Variants in DNAH1 observed in about 807,000 individuals in gnomAD.
DNAH1 encodes axonemal beta dynein heavy chain 1.
In DNAH1, 327 loss-of-function variants were observed where a neutral mutation model predicts 484.3. The observed-to-expected ratio is 0.68, with a 90% CI of 0.62 to 0.74. DNAH1 has a LOEUF of 0.74. Ranked by LOEUF, DNAH1 falls within the 30% of genes least tolerant of loss-of-function variation. The pLI is 0.00. For synonymous variants in DNAH1, 2,192 were observed against 2,191.9 expected, an observed-to-expected ratio of 1.00 and a Z score of 0.00; for missense variants, 5,052 against 5,546.8, an observed-to-expected ratio of 0.91 and a Z score of 2.83.
intron 1 of DNAH1, 149 bp from the exon 2 acceptor site, chr3:52,322,260 A>T (rs569138425): frequency 1.2e-5 from 7 of 598,238 alleles, no homozygotes; most frequent in Non-Finnish European, 2.0e-5. Flanking sequence ...TGTCCAGATT[A>T]GGAGGAGACC....
chr3:52,313,853 AC>A (rs1295638792), upstream of DNAH1, among the ~76,000 whole-genome samples: 2 of 152,194 alleles, frequency 1.3e-5, no homozygotes, highest in Non-Finnish European at 2.9e-5. Context: ...CCCCACCGTG[AC>A]ACTGGGTAAG....
At position 52,392,849 on chromosome 3, in the gene DNAH1, A is replaced by G. The variant is rs1235784314; in HGVS notation, c.10298A>G (p.Glu3433Gly). 15 of 1,513,654 alleles carry G rather than the reference A, an allele frequency of 9.9e-6. No homozygotes were observed. In the Admixed American group the frequency reaches 2.7e-4, roughly 27 times the overall value. 93.8% of individuals were successfully genotyped at this position (1,513,654 alleles called of 1,614,324 possible). A position where few individuals can be genotyped will look rare whatever the true frequency, so the allele number is the denominator to read the frequency against. The change falls in exon 65 of 78, where the codon GAG (glutamate) becomes GGG (glycine). Residue 3433 changes from glutamate to glycine, a missense_variant. Transcript: ENST00000420323. ...CCACAGGCCAAAGTCAGGATTGCAG[A>G]GCAGACGGAGAAGGACATCGACCTG... ...AEIQAKVRIA[E>G]QTEKDIDLTR...
intron 5 of DNAH1, among the ~76,000 whole-genome samples, 186 bp from the exon 6 acceptor site, chr3:52,327,696 C>T (rs1374525559): frequency 6.6e-6 from 1 of 152,158 alleles, no homozygotes; most frequent in African/African-American, 2.4e-5. Context: ...TGGAGAGGCT[C>T]AACCCCCAGT....
rs565186223 is a variant in DNAH1 at position 52,383,558 on chromosome 3, G to A, written c.8114G>A (p.Arg2705His). The A allele has an allele frequency of 1.1e-4, 179 of 1,607,800 alleles. No homozygotes were observed. The highest frequency in any genetic ancestry group is 1.5e-4 in the Non-Finnish European group (176 of 1,177,148). The change falls in exon 51 of 78, where the codon CGT (arginine) becomes CAT (histidine). Residue 2705 changes from arginine to histidine, a missense_variant. Around this residue, in one of 4 missense-constraint regions of DNAH1, gnomAD observed 2,929 missense variants for 3,409.4 expected, o/e 0.86. Transcript: ENST00000420323. ...AACCTCATGGCTGCTTACACAGGGC[G>A]TGTGCGCAGCAACATCCACATGGTG... ...KANLMAAYTG[R>H]VRSNIHMVLC...
chr3:52,353,788 T>C lies in DNAH1; in HGVS notation c.3480+155T>C. Reference sequence around the variant, plus strand: ...AGGGGTTGAGATGCATTCTATTAAGTGAGTTAATAATGCACATAAAATTCT... The same window carrying C: ...AGGGGTTGAGATGCATTCTATTAAGCGAGTTAATAATGCACATAAAATTCT... On this transcript the variant is annotated intron_variant, in intron 20 of 77. Coordinates refer to ENST00000420323, the MANE Select transcript of DNAH1 (RefSeq NM_015512.5). The surrounding 1 kb of genome is among the most constrained non-coding windows in gnomAD (Gnocchi z 5.0). 2 of 987,634 alleles carry C rather than the reference T, an allele frequency of 2.0e-6. No individual in the cohort carries two copies. The highest frequency in any genetic ancestry group is 2.9e-6 in the Non-Finnish European group (2 of 683,436). 61.2% of individuals were successfully genotyped at this position (987,634 alleles called of 1,614,324 possible).
Position 52,381,754 on chromosome 3 carries a change from C to A in DNAH1, c.7723C>A (p.Leu2575Ile), listed in dbSNP as rs1359087905. The A allele has an allele frequency of 6.2e-7, 1 of 1,604,730 alleles. No individual in the cohort carries two copies. Among genetic ancestry groups the A allele is most frequent in the African/African-American group, 1.3e-5 (1 of 74,860 alleles). ...CCACATCTGTCGCATCAGCCGCACC[C>A]TACGCCAGGCGCTGGGCAATGCACT... Reference protein sequence around the residue: ...MSHICRISRTLRQALGNALLL... With the variant: ...MSHICRISRTIRQALGNALLL... Residue 2575 changes from leucine (L) to isoleucine (I), a missense_variant, in exon 49 of 78, where the codon CTA (leucine) becomes ATA (isoleucine). Leu to Ile is a conservative substitution (Grantham distance 5). Around this residue, in one of 4 missense-constraint regions of DNAH1, gnomAD observed 2,929 missense variants for 3,409.4 expected, o/e 0.86. Transcript: ENST00000420323. This position sits in a 1 kb window ranked among gnomAD's most constrained non-coding sequence, Gnocchi z 4.1.
In DNAH1 at chr3:52,354,963, A is replaced by T; in HGVS notation, c.3601A>T (p.Ile1201Phe). Reference sequence around the variant, plus strand: ...GGCCTCACAGCTGCTGGACGACCACATCGTCATGACCCAGAATATGTCATT... The same window carrying T: ...GGCCTCACAGCTGCTGGACGACCACTTCGTCATGACCCAGAATATGTCATT... ...DEASQLLDDH[I>F]VMTQNMSFSP... Residue 1201 changes from isoleucine (I) to phenylalanine (F), a missense_variant, in exon 21 of 78, where the codon ATC becomes TTC. Transcript: ENST00000420323. 6.2e-7 allele frequency: 1 copy of T among 1,614,020 alleles called. No homozygotes were observed. The highest frequency in any genetic ancestry group is 8.5e-7 in the Non-Finnish European group (1 of 1,179,886).
intron 44 of DNAH1, among the ~76,000 whole-genome samples, 199 bp from the exon 45 acceptor site, chr3:52,375,040 TG>T (rs1384505487): frequency 8.0e-6 from 1 of 124,834 alleles, no homozygotes. Flanking sequence ...TTTTGAACTT[TG>T]TAAAAAAAAA....
At chr3:52,329,215 A>G (rs1423614156) in intron 6 of DNAH1, among the ~76,000 whole-genome samples, 1 of 152,130 alleles carries the variant, frequency 6.6e-6, no homozygotes, top group Non-Finnish European at 1.5e-5. Flanking sequence ...ACCCCTTCAC[A>G]TGGCCCTGGT....
chr3:52,394,657 C>T lies in DNAH1; in HGVS notation c.10819C>T (p.His3607Tyr). 1 of 1,565,222 alleles carries T rather than the reference C, an allele frequency of 6.4e-7. No homozygotes were observed. Among genetic ancestry groups the T allele is most frequent in the Non-Finnish European group, 8.7e-7 (1 of 1,151,728 alleles). The stretch of plus-strand genomic sequence containing the variant: ...GGTCATCTTCGACAGCCTTGAGCCC[C>T]ACCGGTTAGCTGGGCCCCAGAATAT... ...FRVIFDSLEP[H>Y]REPLPGIWDQ... The change falls in exon 67 of 78, where the codon CAC becomes TAC. Residue 3607 changes from histidine to tyrosine, a missense_variant. By Grantham distance (83) the His-to-Tyr change is moderately conservative. Coordinates refer to ENST00000420323, the MANE Select transcript of DNAH1 (RefSeq NM_015512.5).
intron 58 of DNAH1, 88 bp downstream of exon 58, chr3:52,388,697 G>A (rs1704226998): frequency 6.2e-7 from 1 of 1,605,824 alleles, no homozygotes; most frequent in Admixed American, 1.7e-5. Flanking sequence ...GTCCTGGGGT[G>A]GCTGTCCACA....
intron 65 of DNAH1, 25 bp from the exon 66 acceptor site, chr3:52,393,309 C>A: frequency 6.2e-7 from 1 of 1,612,146 alleles, no homozygotes; most frequent in South Asian, 1.1e-5. Context: ...CCTCTCCGCG[C>A]TGCCATCACT....
At position 52,393,331 on chromosome 3, in the gene DNAH1, C is replaced by G; in HGVS notation, c.10475-3C>G. 6.2e-7 allele frequency: 1 copy of G among 1,613,952 alleles called. No individual in the cohort carries two copies. The highest frequency in any genetic ancestry group is 8.5e-7 in the Non-Finnish European group (1 of 1,179,832). On this transcript the variant is annotated splice_polypyrimidine_tract_variant and splice_region_variant and intron_variant, in intron 65 of 77. Coordinates refer to ENST00000420323, the MANE Select transcript of DNAH1 (RefSeq NM_015512.5). ...GCGCTGCCATCACTTCTCCACTCCA[C>G]AGACAACCTGAAGAAGCGCATCTCC...
rs1188626824 is a variant in DNAH1, at chr3:52,326,716, C to T, written c.582-19C>T. On this transcript the variant is annotated intron_variant, in intron 4 of 77. Transcript: ENST00000420323. ...CACGAGCCAAGCCATCCTGAGGTCC[C>T]CTCCCTGCCCTTGACCAGGAGGAAA... is the stretch of plus-strand genomic sequence containing the variant. 3.2e-6 allele frequency: 5 copies of T among 1,567,966 alleles called. No individual in the cohort carries two copies. The highest frequency in any genetic ancestry group is 4.3e-6 in the Non-Finnish European group (5 of 1,153,248).
chr3:52,328,004 C>A lies in DNAH1; in HGVS notation c.861C>A (p.Phe287Leu). ...PGKALLPTDDFLGHEDPKSQK... is the reference protein window; with the variant it reads ...PGKALLPTDDLLGHEDPKSQK... Reference sequence around the variant, plus strand: ...AAGCCCTCTTGCCCACTGATGACTTCCTGGGGCATGGTGAGCAAGGCCACT... The same window carrying A: ...AAGCCCTCTTGCCCACTGATGACTTACTGGGGCATGGTGAGCAAGGCCACT... The change falls in exon 6 of 78, where the codon TTC becomes TTA. Residue 287 changes from phenylalanine to leucine, a missense_variant. By Grantham distance (22) the Phe-to-Leu change is conservative. Coordinates refer to ENST00000420323, the MANE Select transcript of DNAH1 (RefSeq NM_015512.5). The A allele has an allele frequency of 1.2e-6, 2 of 1,613,788 alleles. No individual in the cohort carries two copies. The highest frequency in any genetic ancestry group is 1.7e-6 in the Non-Finnish European group (2 of 1,179,748).
Position 52,316,499 on chromosome 3 carries a change from C to T in DNAH1, c.-81C>T, listed in dbSNP as rs1012613092. 1 of 152,162 alleles carries T rather than the reference C, an allele frequency of 6.6e-6. No individual in the cohort carries two copies. The highest frequency in any genetic ancestry group is 1.5e-5 in the Non-Finnish European group (1 of 68,068). 9.4% of individuals were successfully genotyped at this position (152,162 alleles called of 1,614,324 possible). On this transcript the variant is annotated 5_prime_UTR_variant, in exon 1 of 78. Transcript: ENST00000420323. ...TGAATGCCAACAAGAAAAATAAAAC[C>T]ACAGTTTGGATTCAGGAAAGGTTGC...
chr3:52,353,511 A>T lies in DNAH1; in HGVS notation c.3358A>T (p.Ile1120Phe). ...GGAGACACTGTCCAACCAGATCAAC[A>T]TCAATGTCAGGCCCAAGGCCAACCT... The part of the protein sequence containing the change: ...HWETLSNQIN[I>F]NVRPKANLTF... The change falls in exon 20 of 78, where the codon ATC (isoleucine) becomes TTC (phenylalanine). Residue 1120 changes from isoleucine (I) to phenylalanine (F), a missense_variant. By Grantham distance (21) the Ile-to-Phe change is conservative (BLOSUM62 0). Coordinates refer to ENST00000420323, the MANE Select transcript of DNAH1 (RefSeq NM_015512.5). This position sits in a 1 kb window ranked among gnomAD's most constrained non-coding sequence, Gnocchi z 5.0. 1 of 1,613,952 alleles carries T rather than the reference A, an allele frequency of 6.2e-7. No individual in the cohort carries two copies. Among genetic ancestry groups the T allele is most frequent in the Non-Finnish European group, 8.5e-7 (1 of 1,179,912 alleles).
At chr3:52,341,285 T>C (rs1701929524) in intron 8 of DNAH1, among the ~76,000 whole-genome samples, 1 of 152,042 alleles carries the variant, frequency 6.6e-6, no homozygotes, top group South Asian at 2.1e-4. Flanking sequence ...ACAACAAAGG[T>C]TGTCTTAGAT....
intron 16 of DNAH1, among the ~76,000 whole-genome samples, chr3:52,351,001 C>G (rs1374854212): frequency 6.6e-6 from 1 of 152,250 alleles, no homozygotes; most frequent in African/African-American, 2.4e-5. Flanking sequence ...AGGTGCCCAC[C>G]ACCATGCCCG....
Sources: gnomAD v4.1 joint callset for allele counts (sites outside exome capture counted in the v4.1 genomes callset) on GRCh38, gnomAD v4.1.1 for gene constraint, gnomAD v4.1.1 regional missense constraint, Gnocchi (gnomAD v3.1) non-coding constraint, MANE v1.5 for transcripts, NCBI Gene and HGNC (gene_info 2026-07-23, HGNC 2026-07-21) for gene names.